The following SNTG1 variants were observed in gnomAD, a reference collection of about 807,000 sequenced individuals.
SNTG1 encodes the protein syntrophin gamma 1, also known as gamma-1-syntrophin.
SNTG1 carries 39 observed loss-of-function variants against 74.7 expected under a neutral mutation model. That is an observed-to-expected ratio of 0.52 (90% CI 0.40 to 0.68). The LOEUF (loss-of-function observed/expected upper bound fraction) is 0.68, where lower values mean the gene tolerates loss of function less well. SNTG1 is among the 30% of genes least tolerant of loss of function. The probability of loss-of-function intolerance (pLI) is 0.00; values close to 1 mark genes in which losing one functional copy is unlikely to be tolerated. For synonymous variants in SNTG1, 254 were observed against 217.1 expected, an observed-to-expected ratio of 1.17 and a Z score of -1.49; for missense variants, 685 against 609.5, an observed-to-expected ratio of 1.12 and a Z score of -1.30.
chr8:50,516,828 C>G (rs916241500), intron 9 of SNTG1, among the ~76,000 whole-genome samples: 3 of 152,082 alleles, frequency 2.0e-5, no homozygotes, highest in Non-Finnish European at 4.4e-5. Flanking sequence ...ATTGGTGTGC[C>G]TAAAAGTGAA....
chr8:50,010,865 T>A (rs1431516685), intron 1 of SNTG1, among the ~76,000 whole-genome samples: 1 of 150,946 alleles, frequency 6.6e-6, no homozygotes, highest in Non-Finnish European at 1.5e-5. Flanking sequence ...GATTCCTTTG[T>A]TTACTTCAAC....
intron 1 of SNTG1, among the ~76,000 whole-genome samples, chr8:49,918,153 G>T (rs1031950548): frequency 5.3e-5 from 8 of 152,158 alleles, no homozygotes; most frequent in Admixed American, 1.3e-4. Context: ...TGATGAAAAG[G>T]TTCATCTTAA....
At chr8:50,689,921 T>C (rs867426502) in intron 15 of SNTG1, among the ~76,000 whole-genome samples, 76 of 152,346 alleles carry the variant, frequency 5.0e-4, no homozygotes, top group South Asian at 2.3e-3. Context: ...TGCGTCAATT[T>C]CAGAGCCTGT....
rs1408485851 is a variant in SNTG1 at position 50,390,209 on chromosome 8, A to G, written c.-27-4003A>G. Among the ~76,000 whole-genome samples the G allele has an allele frequency of 3.3e-5, 5 of 152,088 alleles. No individual in the cohort carries two copies. The South Asian group carries it at 6.2e-4, about 19-fold the overall frequency. The stretch of plus-strand genomic sequence containing the variant: ...CTAGGTTTTCTTCTAGGGTTTTTAT[A>G]GTTTTAGGTCTAACATTTAAGTCTT... On this transcript the variant is annotated intron_variant, in intron 2 of 18. Coordinates refer to ENST00000642720, the MANE Select transcript of SNTG1 (RefSeq NM_018967.5).
intron 4 of SNTG1, among the ~76,000 whole-genome samples, chr8:50,433,871 T>G (rs1156323102): frequency 6.6e-6 from 1 of 152,192 alleles, no homozygotes; most frequent in East Asian, 1.9e-4. Flanking sequence ...GAGCTATAAG[T>G]ACACATAGTA....
chr8:50,589,235 G>A (rs183889459), intron 12 of SNTG1, among the ~76,000 whole-genome samples: 387 of 152,054 alleles, frequency 2.5e-3, no homozygotes, highest in African/African-American at 8.8e-3. Context: ...TCTTTTCCAA[G>A]GTAAGTCAGG....
chr8:50,013,280 G>T (rs983573447), intron 1 of SNTG1, among the ~76,000 whole-genome samples: 1 of 151,976 alleles, frequency 6.6e-6, no homozygotes, highest in African/African-American at 2.4e-5. Flanking sequence ...GATTAAGAAG[G>T]ATATCTTAAA....
intron 1 of SNTG1, among the ~76,000 whole-genome samples, chr8:49,963,460 T>C (rs1180120597): frequency 1.3e-5 from 2 of 152,250 alleles, no homozygotes; most frequent in African/African-American, 2.4e-5. Flanking sequence ...AGTCATAGTT[T>C]GTAAGAACTT....
At chr8:49,993,468 C>A (rs1262315702) in intron 1 of SNTG1, among the ~76,000 whole-genome samples, 1 of 151,732 alleles carries the variant, frequency 6.6e-6, no homozygotes, top group Non-Finnish European at 1.5e-5. Flanking sequence ...TATACATGTG[C>A]CATGGTGGTT....
At chr8:50,186,210 A>G (rs878939383) in intron 2 of SNTG1, among the ~76,000 whole-genome samples, 2 of 152,082 alleles carry the variant, frequency 1.3e-5, no homozygotes, top group African/African-American at 2.4e-5. Context: ...ATAGTATTCC[A>G]TGGTGTATAT....
intron 13 of SNTG1, among the ~76,000 whole-genome samples, chr8:50,648,601 AC>A (rs1056483769): frequency 1.3e-5 from 2 of 152,172 alleles, no homozygotes; most frequent in African/African-American, 2.4e-5. Flanking sequence ...TATACAACTT[AC>A]AAAACTCTAC....
chr8:50,158,591 G>A (rs913645740), intron 1 of SNTG1, among the ~76,000 whole-genome samples: 1 of 152,118 alleles, frequency 6.6e-6, no homozygotes, highest in Non-Finnish European at 1.5e-5. Flanking sequence ...TGCAATTATT[G>A]AATACCTACA....
intron 8 of SNTG1, among the ~76,000 whole-genome samples, chr8:50,479,279 A>C (rs995280719): frequency 6.6e-6 from 1 of 152,066 alleles, no homozygotes; most frequent in Non-Finnish European, 1.5e-5. Flanking sequence ...TTCTTCAAGA[A>C]TTTAATAGAA....
chr8:50,203,572 T>C (rs894922833), intron 2 of SNTG1, among the ~76,000 whole-genome samples: 1 of 152,154 alleles, frequency 6.6e-6, no homozygotes, highest in African/African-American at 2.4e-5. Flanking sequence ...TTCGGCTCCT[T>C]ACTTAGTGGT....
At chr8:50,690,846 G>A (rs975742820) in intron 15 of SNTG1, among the ~76,000 whole-genome samples, 3 of 151,906 alleles carry the variant, frequency 2.0e-5, no homozygotes, top group Admixed American at 6.6e-5. Flanking sequence ...TTGACAGTGG[G>A]GTGTTAAAGT....
In SNTG1 at chr8:50,498,329, T is replaced by C. The variant is rs1296466770; in HGVS notation, c.364-4449T>C. Among the ~76,000 whole-genome samples, 12 of 151,910 alleles carry C rather than the reference T, an allele frequency of 7.9e-5. No homozygotes were observed. In the East Asian group the frequency reaches 1.9e-3, roughly 24 times the overall value. The stretch of plus-strand genomic sequence containing the variant: ...GAAGATTTATAGTGGTATCTCATTA[T>C]AGTTTTAATTTACATTTCACTAATT... On this transcript the variant is annotated intron_variant, in intron 8 of 18. Coordinates refer to ENST00000642720, the MANE Select transcript of SNTG1 (RefSeq NM_018967.5).
chr8:50,198,723 T>C (rs931696048), intron 2 of SNTG1, among the ~76,000 whole-genome samples: 3 of 152,222 alleles, frequency 2.0e-5, no homozygotes, highest in Non-Finnish European at 4.4e-5. Context: ...AGTACAGCTA[T>C]GAATGCTACA....
chr8:50,445,222 T>C (rs2131598793), intron 5 of SNTG1, among the ~76,000 whole-genome samples: 1 of 152,320 alleles, frequency 6.6e-6, no homozygotes, highest in South Asian at 2.1e-4. Flanking sequence ...CACATGCCCG[T>C]ATTCCTCCAG....
chr8:50,502,725 A>G, intron 8 of SNTG1, 53 bp from the exon 9 acceptor site: 4 of 1,439,544 alleles, frequency 2.8e-6, no homozygotes, highest in Non-Finnish European at 3.9e-6. Flanking sequence ...CTTTGCCATC[A>G]TATAACATGA....
Sources: gnomAD v4.1 joint callset for allele counts (sites outside exome capture counted in the v4.1 genomes callset) on GRCh38, gnomAD v4.1.1 for gene constraint, MANE v1.5 for transcripts, NCBI Gene and HGNC (gene_info 2026-07-23, HGNC 2026-07-21) for gene names.